Variants in SHISA6 observed in about 807,000 individuals in gnomAD.
SHISA6 encodes protein shisa-6.
A neutral mutation model predicts 47.9 loss-of-function variants in SHISA6; 22 were observed. The observed-to-expected ratio is 0.46, with a 90% confidence interval of 0.33 to 0.66. SHISA6 has a LOEUF of 0.66. Ranked by LOEUF, SHISA6 falls within the 30% of genes least tolerant of loss-of-function variation. SHISA6 has a pLI of 0.02. For synonymous variants in SHISA6, 388 were observed against 337.8 expected (o/e 1.15, Z -1.63); for missense variants, 680 against 764.6 (o/e 0.89, Z 1.30).
intron 3 of SHISA6, among the ~76,000 whole-genome samples, chr17:11,486,239 C>T (rs995383878): frequency 1.3e-5 from 2 of 152,168 alleles, no homozygotes; most frequent in African/African-American, 4.8e-5. Flanking sequence ...GAGTTGGGGC[C>T]TTGGGGTTAC....
chr17:11,271,407 A>G (rs1312736220), intron 2 of SHISA6, among the ~76,000 whole-genome samples: 2 of 152,100 alleles, frequency 1.3e-5, no homozygotes, highest in African/African-American at 2.4e-5. Context: ...CATGTCTTGC[A>G]TGGCGCAGAT....
intron 2 of SHISA6, among the ~76,000 whole-genome samples, chr17:11,286,912 G>A (rs993717548): frequency 6.6e-6 from 1 of 152,156 alleles, no homozygotes; most frequent in Non-Finnish European, 1.5e-5. Flanking sequence ...TGAATGCCTG[G>A]GAATATGAAT....
At chr17:11,397,395 C>CTGTGTGTGTGTGTGTGTGTGTGTGTGTG (rs3034221) in intron 3 of SHISA6, among the ~76,000 whole-genome samples, 4 of 140,428 alleles carry the variant, frequency 2.8e-5, no homozygotes, top group African/African-American at 1.1e-4. Flanking sequence ...TTACCTGCCT[C>CTGTGTGTGTGTGTGTGTGTGTGTGTGTG]TGTGTGTGTG....
rs558943860 is a variant in SHISA6, at chr17:11,527,503, A to G, written c.896-24393A>G. Among the ~76,000 whole-genome samples, 371 of 152,270 alleles carry G rather than the reference A, an allele frequency of 2.4e-3. 1 individual carries two copies. Among genetic ancestry groups the G allele is most frequent in the African/African-American group, 8.5e-3 (354 of 41,550 alleles). On this transcript the variant is annotated intron_variant, in intron 3 of 5. Transcript: ENST00000441885. ...CAGCCATATAAGGATGAGAAGGATA[A>G]TCATTCTTTTTATATTCAGTTAGTA... is the stretch of plus-strand genomic sequence containing the variant.
At chr17:11,343,231 A>G (rs1335202771) in intron 2 of SHISA6, among the ~76,000 whole-genome samples, 1 of 152,134 alleles carries the variant, frequency 6.6e-6, no homozygotes, top group Non-Finnish European at 1.5e-5. Flanking sequence ...AGAGCTGCCA[A>G]CTCAACCCAG....
At chr17:11,307,392 T>C (rs970312195) in intron 2 of SHISA6, among the ~76,000 whole-genome samples, 4 of 152,218 alleles carry the variant, frequency 2.6e-5, no homozygotes, top group Admixed American at 2.0e-4. Flanking sequence ...CATTAAGTCA[T>C]TGTCCGTGTC....
chr17:11,406,173 A>G (rs1028252070), intron 3 of SHISA6, among the ~76,000 whole-genome samples: 1 of 152,164 alleles, frequency 6.6e-6, no homozygotes, highest in African/African-American at 2.4e-5. Context: ...ACATTTACAC[A>G]ACCACATAGG....
chr17:11,277,122 T>G (rs1597435638), intron 2 of SHISA6, among the ~76,000 whole-genome samples: 1 of 152,044 alleles, frequency 6.6e-6, no homozygotes, highest in African/African-American at 2.4e-5. Context: ...AAATTGGAAA[T>G]GTTTGAGTTT....
At chr17:11,303,356 T>G (rs1228515093) in intron 2 of SHISA6, among the ~76,000 whole-genome samples, 1 of 152,052 alleles carries the variant, frequency 6.6e-6, no homozygotes, top group East Asian at 1.9e-4. Context: ...TGAGTATGGT[T>G]GTGTGTGGTG....
chr17:11,557,303 G>A (rs2071990854), intron 5 of SHISA6, among the ~76,000 whole-genome samples: 1 of 152,240 alleles, frequency 6.6e-6, no homozygotes, highest in Non-Finnish European at 1.5e-5. Flanking sequence ...GTTTTAGTAA[G>A]ACAGATAGTC....
At chr17:11,344,602 T>G (rs1229330258) in intron 2 of SHISA6, among the ~76,000 whole-genome samples, 5 of 152,196 alleles carry the variant, frequency 3.3e-5, no homozygotes, top group Admixed American at 2.6e-4. Flanking sequence ...TTCTGGACTC[T>G]CTTGCCTATT....
At chr17:11,284,727 T>C (rs971708302) in intron 2 of SHISA6, among the ~76,000 whole-genome samples, 2 of 152,244 alleles carry the variant, frequency 1.3e-5, no homozygotes, top group African/African-American at 4.8e-5. Flanking sequence ...TTTTTAATGA[T>C]TCTATTGATG....
At position 11,241,971 on chromosome 17, in the gene SHISA6, G is replaced by A. The variant is rs1465508732; in HGVS notation, c.549G>A (p.Gly183=). 6.4e-7 allele frequency: 1 copy of A among 1,551,024 alleles called. No individual in the cohort carries two copies. Among genetic ancestry groups the A allele is most frequent in the Admixed American group, 2.0e-5 (1 of 51,012 alleles). The change falls in exon 1 of 6, where the codon GGG becomes GGA. Residue 183 remains glycine (G), a synonymous_variant. Coordinates refer to ENST00000441885, the MANE Select transcript of SHISA6 (RefSeq NM_207386.4). This position sits in a 1 kb window ranked among gnomAD's most constrained non-coding sequence, Gnocchi z 5.5. ...KTNFTVYITC[G]VIAFVIVAGV... is the part of the protein sequence containing the mutation. ...ACTTCACCGTCTACATCACCTGCGG[G>A]GTGATCGCCTTCGTCATCGTGGCCG...
Position 11,558,536 on chromosome 17 carries a change from G to T in SHISA6, c.*232G>T, listed in dbSNP as rs1313348484. The stretch of plus-strand genomic sequence containing the variant: ...AGCAATCGCTCTTGCTCCTCCAGAA[G>T]AATCAGTGGGGAGTGAGGAGGGGGC... On this transcript the variant is annotated 3_prime_UTR_variant, in exon 6 of 6. Transcript: ENST00000441885. 5 of 577,982 alleles carry T rather than the reference G, an allele frequency of 8.7e-6. No individual in the cohort carries two copies. Among genetic ancestry groups the T allele is most frequent in the Non-Finnish European group, 1.5e-5 (5 of 324,780 alleles). The allele number at this position is 577,982 out of a possible 1,614,324, so 35.8% of individuals were successfully genotyped here. A position where few individuals can be genotyped will look rare whatever the true frequency, so the allele number is the denominator to read the frequency against.
intron 2 of SHISA6, among the ~76,000 whole-genome samples, chr17:11,375,626 C>T (rs1311258523): frequency 1.3e-5 from 2 of 152,150 alleles, no homozygotes; most frequent in Non-Finnish European, 2.9e-5. Context: ...TCAGAGTCAG[C>T]CGTATCACAC....
chr17:11,249,303 T>C (rs8070996), intron 1 of SHISA6, among the ~76,000 whole-genome samples: 125,247 of 150,566 alleles, frequency 0.83, 53,047 homozygotes, highest in South Asian at 0.92. Context: ...TGTGTGCGCG[T>C]GCGTGTGTGT....
chr17:11,542,359 C>T (rs1007999167), intron 3 of SHISA6, among the ~76,000 whole-genome samples: 2 of 149,486 alleles, frequency 1.3e-5, no homozygotes, highest in Non-Finnish European at 3.0e-5. Context: ...GCCTGTCAAC[C>T]AAGAATTCTA....
At chr17:11,248,849 A>G (rs1345553900) in intron 1 of SHISA6, among the ~76,000 whole-genome samples, 2 of 152,098 alleles carry the variant, frequency 1.3e-5, no homozygotes, top group Admixed American at 6.5e-5. Flanking sequence ...TCTGTCATTA[A>G]AAATTCAGGG....
chr17:11,400,591 C>T (rs1344754686), intron 3 of SHISA6, among the ~76,000 whole-genome samples: 1 of 152,192 alleles, frequency 6.6e-6, no homozygotes, highest in Non-Finnish European at 1.5e-5. Flanking sequence ...CTGCTCTACC[C>T]CTTTGACAAC....
Sources: gnomAD v4.1 joint callset for allele counts (sites outside exome capture counted in the v4.1 genomes callset) on GRCh38, gnomAD v4.1.1 for gene constraint, Gnocchi (gnomAD v3.1) non-coding constraint, MANE v1.5 for transcripts, NCBI Gene and HGNC (gene_info 2026-07-23, HGNC 2026-07-21) for gene names.